The following FRMPD4 variants were observed in gnomAD, a reference collection of about 807,000 sequenced individuals.
The protein encoded by FRMPD4 is FERM and PDZ domain containing 4.
Under a neutral mutation model 94.1 loss-of-function variants are expected in FRMPD4, and 22 were observed. That is an observed-to-expected ratio of 0.23 (90% CI 0.17 to 0.33). The LOEUF (loss-of-function observed/expected upper bound fraction) is 0.33. FRMPD4 is among the 10% of genes least tolerant of loss of function. The pLI is 1.00. For synonymous variants in FRMPD4, 631 were observed against 548.6 expected, an observed-to-expected ratio of 1.15 and a Z score of -2.10; for missense variants, 1,111 against 1,339.9, an observed-to-expected ratio of 0.83 and a Z score of 2.67.
At chrX:12,198,124 A>G (rs953713316) in intron 1 of FRMPD4, among the ~76,000 whole-genome samples, 1 of 111,967 alleles carries the variant, frequency 8.9e-6, no homozygotes, top group African/African-American at 3.2e-5. Context: ...TATTAATACT[A>G]TGGGATTGAT....
chrX:12,452,856 T>TA (rs897042664), intron 1 of FRMPD4, among the ~76,000 whole-genome samples: 1 of 111,677 alleles, frequency 9.0e-6, no homozygotes, highest in Non-Finnish European at 1.9e-5. Context: ...AAAACTGCCT[T>TA]ACACGTTGTC....
At chrX:12,416,325 G>A (rs373684280) in intron 1 of FRMPD4, among the ~76,000 whole-genome samples, 3 of 111,021 alleles carry the variant, frequency 2.7e-5, no homozygotes, top group African/African-American at 9.8e-5. Flanking sequence ...GTTCTTAGAG[G>A]GGCATGGCAG....
Position 12,721,758 on chromosome X carries a change from CT to C in FRMPD4, c.5190del (p.Asp1732ThrfsTer18). On this transcript the variant is annotated frameshift_variant, in exon 17 of 17. Coordinates refer to ENST00000675598, the MANE Select transcript of FRMPD4 (RefSeq NM_001368397.1). LOFTEE classifies it high-confidence loss of function. Reference protein sequence around the residue: ...KAAEAATGKNPGDPNVGLSAR... With the variant: ...KAAEAATGKNXGDPNVGLSAR... ...GCCGAAGCAGCCACTGGAAAGAACC[CT>C]GGGGACCCTAATGTTGGACTCTCGG... is the stretch of plus-strand genomic sequence containing the variant. 4.0e-6 allele frequency: 3 copies of C among 754,902 alleles called. No individual in the cohort carries two copies. The highest frequency in any genetic ancestry group is 4.7e-6 in the Non-Finnish European group (3 of 638,215). The allele number at this position is 754,902 out of a possible 1,213,427, so 62.2% of individuals were successfully genotyped here. A position where few individuals can be genotyped will look rare whatever the true frequency, so the allele number is the denominator to read the frequency against.
intron 3 of FRMPD4, among the ~76,000 whole-genome samples, chrX:11,962,276 T>C (rs1270868787): frequency 8.9e-6 from 1 of 111,990 alleles, no homozygotes; most frequent in Non-Finnish European, 1.9e-5. Flanking sequence ...TAGATGGTGC[T>C]TCTTGCCACA....
intron 1 of FRMPD4, among the ~76,000 whole-genome samples, chrX:12,251,922 T>G (rs974715170): frequency 8.9e-6 from 1 of 112,154 alleles, no homozygotes; most frequent in East Asian, 2.8e-4. Context: ...TTCATTTTCC[T>G]TGTGAAGTAG....
At position 12,305,725 on chromosome X, in the gene FRMPD4, G is replaced by GTTTTTTTTTT. The variant is rs58794898; in HGVS notation, c.41+166726_41+166735dup. Among the ~76,000 whole-genome samples the GTTTTTTTTTT allele has an allele frequency of 2.3e-4, 14 of 59,699 alleles. 1 individual carries two copies. The highest frequency in any genetic ancestry group is 8.3e-4 in the African/African-American group (11 of 13,238). The allele number at this position is 59,699 out of a possible 115,157, so 51.8% of individuals were successfully genotyped here. A position where few individuals can be genotyped will look rare whatever the true frequency, so the allele number is the denominator to read the frequency against. On this transcript the variant is annotated intron_variant, in intron 1 of 16. Coordinates refer to ENST00000675598, the MANE Select transcript of FRMPD4 (RefSeq NM_001368397.1). ...GGCATGTACCACCACAGCTGGCTAA[G>GTTTTTTTTTT]TTTTTTTTTTTTTTTTTTTTTTACA... is the stretch of plus-strand genomic sequence containing the variant.
chrX:12,307,248 A>G (rs765661191), intron 1 of FRMPD4, among the ~76,000 whole-genome samples: 1 of 112,409 alleles, frequency 8.9e-6, no homozygotes, highest in South Asian at 3.7e-4. Context: ...GGTGGCTTGC[A>G]CAAGAAGAAA....
chrX:11,827,243 C>A (rs2053449532), intron 1 of FRMPD4, among the ~76,000 whole-genome samples: 1 of 106,384 alleles, frequency 9.4e-6, no homozygotes, highest in Non-Finnish European at 1.9e-5. Flanking sequence ...TGGTATAATT[C>A]TTTTTTCCCC....
chrX:12,310,532 T>C (rs893439632), intron 1 of FRMPD4, among the ~76,000 whole-genome samples: 1 of 112,137 alleles, frequency 8.9e-6, no homozygotes, highest in Non-Finnish European at 1.9e-5. Flanking sequence ...CAACTTGCCT[T>C]CAGTAAATAA....
At chrX:12,292,726 T>G (rs1002217535) in intron 1 of FRMPD4, among the ~76,000 whole-genome samples, 2 of 111,625 alleles carry the variant, frequency 1.8e-5, no homozygotes, top group African/African-American at 6.5e-5. Context: ...AAATGGCAAC[T>G]TTTTCATATG....
chrX:12,401,539 A>C (rs2056609053), intron 1 of FRMPD4, among the ~76,000 whole-genome samples: 1 of 111,544 alleles, frequency 9.0e-6, no homozygotes, highest in Non-Finnish European at 1.9e-5. Flanking sequence ...TTATCTCCCA[A>C]CACTCTCCCT....
intron 3 of FRMPD4, among the ~76,000 whole-genome samples, chrX:12,018,780 C>T (rs1047008842): frequency 3.6e-5 from 4 of 111,749 alleles, no homozygotes; most frequent in African/African-American, 1.3e-4. Context: ...AATGACTCAT[C>T]TTAATTTGAT....
chrX:12,659,443 A>G (rs761650613), intron 4 of FRMPD4, among the ~76,000 whole-genome samples: 45 of 112,675 alleles, frequency 4.0e-4, no homozygotes, highest in African/African-American at 1.4e-3. Context: ...GGATTCCTCA[A>G]TCTCAGCACT....
intron 1 of FRMPD4, among the ~76,000 whole-genome samples, chrX:12,492,082 G>A (rs190051369): frequency 8.9e-6 from 1 of 111,867 alleles, no homozygotes; most frequent in Admixed American, 9.5e-5. Flanking sequence ...AGATGCAAAT[G>A]CACAGTACAA....
chrX:12,528,604 C>A (rs928093943), intron 2 of FRMPD4, among the ~76,000 whole-genome samples: 1 of 111,507 alleles, frequency 9.0e-6, no homozygotes, highest in Non-Finnish European at 1.9e-5. Flanking sequence ...AGGTGTGAGC[C>A]ACTGCACCCC....
intron 9 of FRMPD4, among the ~76,000 whole-genome samples, chrX:12,701,632 C>T (rs191366725): frequency 2.7e-5 from 3 of 112,225 alleles, no homozygotes; most frequent in Non-Finnish European, 5.6e-5. Flanking sequence ...TTACAAAAAG[C>T]TAAATATTTA....
At position 12,712,367 on chromosome X, in the gene FRMPD4, A is replaced by G. The variant is rs977972354; in HGVS notation, c.1609+1830A>G. 3.6e-5 allele frequency among the ~76,000 whole-genome samples: 4 copies of G among 111,075 alleles called. No homozygotes were observed. The Admixed American group carries it at 3.8e-4, about 11-fold the overall frequency. ...AGTTTGAGATCAGACTGGGCAACAC[A>G]GGGAGACATCGTCTCTACAAAAAAT... On this transcript the variant is annotated intron_variant, in intron 14 of 16. Transcript: ENST00000675598.
In FRMPD4 at chrX:12,415,948, ATTC is replaced by A. The variant is rs1180767494; in HGVS notation, c.42-82728_42-82726del. Among the ~76,000 whole-genome samples, 3 of 112,777 alleles carry A rather than the reference ATTC, an allele frequency of 2.7e-5. No homozygotes were observed. The East Asian group carries it at 8.3e-4, about 31-fold the overall frequency. ...TCAGAAAATTTGCTAATTATCAAGA[ATTC>A]TTCATGACAATATGAGACCTTTGGG... On this transcript the variant is annotated intron_variant, in intron 1 of 16. Coordinates refer to ENST00000675598, the MANE Select transcript of FRMPD4 (RefSeq NM_001368397.1).
intron 7 of FRMPD4, among the ~76,000 whole-genome samples, chrX:12,689,591 A>G (rs1403818771): frequency 8.9e-6 from 1 of 112,427 alleles, no homozygotes; most frequent in African/African-American, 3.2e-5. Flanking sequence ...CAACCACTAC[A>G]CTGCTCTTTC....
Sources: gnomAD v4.1 joint callset for allele counts (sites outside exome capture counted in the v4.1 genomes callset) on GRCh38, gnomAD v4.1.1 for gene constraint, MANE v1.5 for transcripts, NCBI Gene and HGNC (gene_info 2026-07-23, HGNC 2026-07-21) for gene names.